The following SULF1 variants were observed in gnomAD, a reference collection of about 807,000 sequenced individuals.
SULF1 encodes extracellular sulfatase Sulf-1.
A neutral mutation model predicts 110.5 loss-of-function variants in SULF1; 46 were observed. The observed-to-expected ratio is 0.42, with a 90% CI of 0.33 to 0.53. SULF1 has a LOEUF of 0.53. Among genes scored for constraint, SULF1 ranks in the 20% least tolerant of loss-of-function variants. The pLI, the probability that SULF1 is intolerant of heterozygous loss-of-function variation, is 0.12. For synonymous variants in SULF1, 371 were observed against 387.1 expected, an observed-to-expected ratio of 0.96 and a Z score of 0.49; for missense variants, 941 against 1,094.2, an observed-to-expected ratio of 0.86 and a Z score of 1.98.
At chr8:69,658,361 G>A (rs564742030) in intron 22 of SULF1, 144 bp from the exon 23 acceptor site, 1 of 620,604 alleles carries the variant, frequency 1.6e-6, no homozygotes, top group Admixed American at 3.1e-5. Context: ...AGGCCACTCT[G>A]TGATAACAAA....
intron 22 of SULF1, among the ~76,000 whole-genome samples, chr8:69,649,185 T>C (rs1401960395): frequency 6.6e-6 from 1 of 152,238 alleles, no homozygotes; most frequent in Non-Finnish European, 1.5e-5. Context: ...TATTTTGATA[T>C]AACTTTACAT....
At chr8:69,596,398 G>T (rs1033582078) in intron 8 of SULF1, among the ~76,000 whole-genome samples, 1 of 152,092 alleles carries the variant, frequency 6.6e-6, no homozygotes, top group Non-Finnish European at 1.5e-5. Context: ...CAAATAACCA[G>T]TATTGTGTTA....
chr8:69,631,539 G>C (rs900807900), intron 19 of SULF1, among the ~76,000 whole-genome samples: 3 of 152,234 alleles, frequency 2.0e-5, no homozygotes, highest in Non-Finnish European at 2.9e-5. Flanking sequence ...CTGGGCGATA[G>C]AGTGAGACGC....
chr8:69,477,741 C>T (rs1809359388), intron 1 of SULF1, among the ~76,000 whole-genome samples: 1 of 152,164 alleles, frequency 6.6e-6, no homozygotes, highest in African/African-American at 2.4e-5. Flanking sequence ...ATTTCAGGAG[C>T]ATGCCATCAT....
intron 15 of SULF1, among the ~76,000 whole-genome samples, chr8:69,626,483 G>A (rs1006377106): frequency 3.3e-5 from 5 of 152,264 alleles, no homozygotes; most frequent in South Asian, 2.1e-4. Flanking sequence ...CCATGCGCTC[G>A]CACTCCTCAG....
chr8:69,515,477 G>T (rs1254580713), intron 3 of SULF1, among the ~76,000 whole-genome samples: 1 of 152,136 alleles, frequency 6.6e-6, no homozygotes, highest in African/African-American at 2.4e-5. Flanking sequence ...TTCCTCCTAG[G>T]TCTCCAGGCC....
intron 8 of SULF1, among the ~76,000 whole-genome samples, chr8:69,595,397 T>C (rs1807227374): frequency 6.6e-6 from 1 of 152,236 alleles, no homozygotes; most frequent in African/African-American, 2.4e-5. Context: ...TAAAAGACTC[T>C]GAATTATTTT....
intron 3 of SULF1, among the ~76,000 whole-genome samples, chr8:69,542,174 T>C (rs1323102732): frequency 6.6e-6 from 1 of 152,170 alleles, no homozygotes; most frequent in Non-Finnish European, 1.5e-5. Flanking sequence ...CTCATTGACA[T>C]AACTTCTGGA....
At chr8:69,634,982 G>C (rs533168337) in intron 19 of SULF1, among the ~76,000 whole-genome samples, 1 of 152,264 alleles carries the variant, frequency 6.6e-6, no homozygotes, top group East Asian at 1.9e-4. Context: ...TTTTAGTAGA[G>C]AAGGGGTTTC....
intron 3 of SULF1, among the ~76,000 whole-genome samples, chr8:69,542,309 C>A (rs1274511295): frequency 2.0e-5 from 3 of 152,100 alleles, no homozygotes; most frequent in African/African-American, 7.2e-5. Context: ...ATGCAACTTA[C>A]TCATCTGAGA....
Position 69,621,246 on chromosome 8 carries a change from C to T in SULF1, c.1589C>T (p.Thr530Ile), listed in dbSNP as rs139600896. The T allele has an allele frequency of 3.9e-4, 624 of 1,611,466 alleles. No individual in the cohort carries two copies. The highest frequency in any genetic ancestry group is 5.0e-4 in the Non-Finnish European group (586 of 1,178,516). ...SQRQFLRNQGTPKYKPRFVHT... is the reference protein window; with the variant it reads ...SQRQFLRNQGIPKYKPRFVHT... ...CGGCAATTCTTGAGAAACCAGGGGA[C>T]TCCAAGTAAGCCACGCTTTTGTGAC... Residue 530 changes from threonine to isoleucine, a missense_variant, in exon 14 of 23, where the codon ACT becomes ATT. Coordinates refer to ENST00000402687, the MANE Select transcript of SULF1 (RefSeq NM_001128205.2).
At chr8:69,609,337 C>T (rs1808465358) in intron 13 of SULF1, among the ~76,000 whole-genome samples, 3 of 152,104 alleles carry the variant, frequency 2.0e-5, no homozygotes, top group Non-Finnish European at 4.4e-5. Context: ...CTGAGTGAGA[C>T]CCTGTCTCAG....
chr8:69,555,409 G>A (rs933813336), intron 3 of SULF1, among the ~76,000 whole-genome samples: 1 of 152,254 alleles, frequency 6.6e-6, no homozygotes, highest in Admixed American at 6.5e-5. Flanking sequence ...TGTAATCCCA[G>A]CACTTTGGGA....
chr8:69,522,169 G>A (rs896490626), intron 3 of SULF1, among the ~76,000 whole-genome samples: 4 of 151,944 alleles, frequency 2.6e-5, no homozygotes, highest in African/African-American at 9.7e-5. Context: ...TCCTGCCTCA[G>A]CCTCCTGAGT....
At chr8:69,640,449 G>A (rs890256761) in intron 21 of SULF1, among the ~76,000 whole-genome samples, 1 of 152,150 alleles carries the variant, frequency 6.6e-6, no homozygotes, top group African/African-American at 2.4e-5. Flanking sequence ...ATGATTATTA[G>A]CCCGTTTTTT....
chr8:69,472,693 A>G (rs1809133055), intron 1 of SULF1, among the ~76,000 whole-genome samples: 2 of 152,150 alleles, frequency 1.3e-5, no homozygotes, highest in South Asian at 4.1e-4. Flanking sequence ...CCTAGCAAAC[A>G]TATCTATCAA....
chr8:69,582,058 A>AG (rs1360931986), intron 6 of SULF1, among the ~76,000 whole-genome samples: 6 of 152,228 alleles, frequency 3.9e-5, no homozygotes, highest in African/African-American at 1.4e-4. Flanking sequence ...ATTAAGTCAA[A>AG]GGGGAATGCC....
chr8:69,566,301 C>T (rs1370538401), intron 5 of SULF1, among the ~76,000 whole-genome samples: 2 of 152,206 alleles, frequency 1.3e-5, no homozygotes, highest in Non-Finnish European at 2.9e-5. Flanking sequence ...CTTCAATATA[C>T]AGCACTGTCT....
chr8:69,605,702 G>A (rs903884837), intron 13 of SULF1, among the ~76,000 whole-genome samples: 2 of 152,172 alleles, frequency 1.3e-5, no homozygotes, highest in East Asian at 1.9e-4. Context: ...CATGACAAGA[G>A]GAACTGAACT....
Sources: allele counts gnomAD v4.1 joint callset (sites outside exome capture counted in the v4.1 genomes callset), GRCh38; gene constraint gnomAD v4.1.1; transcripts MANE v1.5; gene names NCBI Gene and HGNC (gene_info 2026-07-23, HGNC 2026-07-21).